CSMD1: variants seen among roughly 807,000 people sequenced by gnomAD.
CSMD1 encodes the protein CUB and Sushi multiple domains 1.
Under a neutral mutation model 417.5 loss-of-function variants are expected in CSMD1, and 213 were observed. The ratio of observed to expected loss-of-function variants is 0.51; its 90% CI spans 0.46 to 0.57. CSMD1 has a LOEUF of 0.57. Ranked by LOEUF, CSMD1 falls within the 20% of genes least tolerant of loss-of-function variation. CSMD1 has a pLI of 0.00. For missense variants in CSMD1, 6,923 were observed against 4,529.7 expected (o/e 1.53, Z -15.17); for synonymous variants, 2,862 against 1,736.8 (o/e 1.65, Z -16.11).
intron 3 of CSMD1, among the ~76,000 whole-genome samples, chr8:4,182,338 C>T (rs1414615836): frequency 6.6e-6 from 1 of 151,916 alleles, no homozygotes; most frequent in African/African-American, 2.4e-5. Flanking sequence ...TCTTGTAATC[C>T]CCAATACACC....
In CSMD1 at chr8:4,858,806, G is replaced by C. The variant is rs1233756561; in HGVS notation, c.85+135526C>G. ...GAAGAACATTCCACGCTCATGGGTA[G>C]GAAGAATCAATATCGTGAAAATGGC... On this transcript the variant is annotated intron_variant, in intron 1 of 69. Coordinates refer to ENST00000635120, the MANE Select transcript of CSMD1 (RefSeq NM_033225.6). Among the ~76,000 whole-genome samples, 157 of 143,588 alleles carry C rather than the reference G, an allele frequency of 1.1e-3. 1 individual carries two copies. The highest frequency in any genetic ancestry group is 1.6e-3 in the Non-Finnish European group (103 of 65,556). 94.2% of individuals were successfully genotyped at this position (143,588 alleles called of 152,430 possible).
chr8:3,678,122 G>A (rs555440707), intron 7 of CSMD1, among the ~76,000 whole-genome samples: 44 of 152,252 alleles, frequency 2.9e-4, no homozygotes, highest in African/African-American at 9.1e-4. Context: ...CAGAAGACAG[G>A]TGATTTCTGC....
At chr8:4,047,597 A>G (rs1476489287) in intron 3 of CSMD1, among the ~76,000 whole-genome samples, 1 of 152,172 alleles carries the variant, frequency 6.6e-6, no homozygotes, top group Non-Finnish European at 1.5e-5. Context: ...AATGCGTATT[A>G]TGTGTGGAAT....
At chr8:4,595,294 G>A (rs955818861) in intron 2 of CSMD1, among the ~76,000 whole-genome samples, 2 of 151,650 alleles carry the variant, frequency 1.3e-5, no homozygotes, top group African/African-American at 4.8e-5. Flanking sequence ...AAAAAGGAAA[G>A]AGTAGATAAA....
At chr8:4,543,531 A>G (rs779661645) in intron 2 of CSMD1, among the ~76,000 whole-genome samples, 1 of 152,124 alleles carries the variant, frequency 6.6e-6, no homozygotes, top group Non-Finnish European at 1.5e-5. Flanking sequence ...TTATACATTC[A>G]CCAACCGAAA....
intron 1 of CSMD1, among the ~76,000 whole-genome samples, chr8:4,973,094 AG>A (rs1324021875): frequency 6.6e-6 from 1 of 152,230 alleles, no homozygotes; most frequent in Non-Finnish European, 1.5e-5. Flanking sequence ...GGGCAATCAA[AG>A]GAAACTCATG....
chr8:4,567,701 G>C (rs1444675952), intron 2 of CSMD1, among the ~76,000 whole-genome samples: 2 of 152,042 alleles, frequency 1.3e-5, no homozygotes, highest in Non-Finnish European at 2.9e-5. Context: ...ATACATTATA[G>C]CTGGGCCAAT....
chr8:3,543,479 T>C (rs1011405732), intron 10 of CSMD1, among the ~76,000 whole-genome samples: 25 of 152,116 alleles, frequency 1.6e-4, no homozygotes, highest in Non-Finnish European at 4.4e-5. Context: ...CAAGCAGTGA[T>C]GATTGCCGAG....
intron 3 of CSMD1, among the ~76,000 whole-genome samples, chr8:4,128,127 G>C (rs141237775): frequency 1.3e-3 from 198 of 152,210 alleles, no homozygotes; most frequent in African/African-American, 4.5e-3. Context: ...TGTCAGGCCA[G>C]CACTCCCACC....
intron 3 of CSMD1, among the ~76,000 whole-genome samples, chr8:4,209,662 C>G (rs573005593): frequency 6.6e-6 from 1 of 152,236 alleles, no homozygotes; most frequent in East Asian, 1.9e-4. Flanking sequence ...GTTGGCTTCA[C>G]CCAGGAAGGA....
intron 6 of CSMD1, among the ~76,000 whole-genome samples, chr8:3,736,325 T>G (rs62480990): frequency 0.27 from 41,734 of 151,832 alleles, 6,561 homozygotes; most frequent in South Asian, 0.4. Context: ...CACTGCAGCC[T>G]CCACCTCCTG....
At chr8:4,238,096 GAC>G (rs1802174837) in intron 3 of CSMD1, among the ~76,000 whole-genome samples, 2 of 152,228 alleles carry the variant, frequency 1.3e-5, no homozygotes, top group East Asian at 1.9e-4. Flanking sequence ...TTAAGATTGA[GAC>G]ACAATTTTTT....
At chr8:4,219,414 TC>T (rs2128807356) in intron 3 of CSMD1, among the ~76,000 whole-genome samples, 1 of 152,352 alleles carries the variant, frequency 6.6e-6, no homozygotes, top group African/African-American at 2.4e-5. Flanking sequence ...TTACAGAGCC[TC>T]CATGGTAATT....
At chr8:2,952,446 G>A (rs1029695039) in intron 65 of CSMD1, among the ~76,000 whole-genome samples, 7 of 152,122 alleles carry the variant, frequency 4.6e-5, no homozygotes, top group African/African-American at 1.7e-4. Flanking sequence ...AAGAGGAACA[G>A]AAGATAATAG....
At chr8:3,631,222 G>A (rs1359998948) in intron 7 of CSMD1, among the ~76,000 whole-genome samples, 1 of 152,182 alleles carries the variant, frequency 6.6e-6, no homozygotes, top group Admixed American at 6.5e-5. Flanking sequence ...TATGTGGACA[G>A]CACGTAACAC....
chr8:3,678,239 G>A (rs1226710667), intron 7 of CSMD1, among the ~76,000 whole-genome samples: 3 of 152,268 alleles, frequency 2.0e-5, no homozygotes, highest in East Asian at 1.9e-4. Context: ...AAACTTCTCC[G>A]AGCTAAAGGA....
chr8:4,428,379 T>A (rs1032962823), intron 2 of CSMD1, among the ~76,000 whole-genome samples: 1 of 152,182 alleles, frequency 6.6e-6, no homozygotes, highest in East Asian at 1.9e-4. Flanking sequence ...AGGTAGCTTG[T>A]TATCTTCCTT....
rs186241957 is a variant in CSMD1 at position 3,851,544 on chromosome 8, C to G, written c.819-97502G>C. ...ATCAGGTGGTCCCTGAAAGGTGAGC[C>G]TCTGCACCTTGAGCAGCAACTCCCT... is the stretch of plus-strand genomic sequence containing the variant. On this transcript the variant is annotated intron_variant, in intron 5 of 69. Coordinates refer to ENST00000635120, the MANE Select transcript of CSMD1 (RefSeq NM_033225.6). Among the ~76,000 whole-genome samples the G allele has an allele frequency of 7.9e-3, 1,210 of 152,266 alleles. 18 individuals are homozygous for G. The highest frequency in any genetic ancestry group is 0.028 in the African/African-American group (1,163 of 41,546).
At chr8:2,984,186 C>T (rs1020938597) in intron 54 of CSMD1, among the ~76,000 whole-genome samples, 5 of 152,146 alleles carry the variant, frequency 3.3e-5, no homozygotes, top group South Asian at 2.1e-4. Context: ...TGCCTCAAAT[C>T]GGATTCACAG....
Sources: gnomAD v4.1 joint callset for allele counts (sites outside exome capture counted in the v4.1 genomes callset) on GRCh38, gnomAD v4.1.1 for gene constraint, MANE v1.5 for transcripts, NCBI Gene and HGNC (gene_info 2026-07-23, HGNC 2026-07-21) for gene names.